Variants in ADGRL3 observed in about 807,000 individuals in gnomAD.
ADGRL3 encodes calcium-independent alpha-latrotoxin receptor 3.
Under a neutral mutation model 153.5 loss-of-function variants are expected in ADGRL3, and 62 were observed. That is an observed-to-expected ratio of 0.40 (90% CI 0.33 to 0.50). ADGRL3 has a LOEUF of 0.50. Ranked by LOEUF, ADGRL3 falls within the 20% of genes least tolerant of loss-of-function variation. ADGRL3 has a pLI of 0.47. For missense variants in ADGRL3, 1,641 were observed against 1,859.4 expected, an observed-to-expected ratio of 0.88 and a Z score of 2.16; for synonymous variants, 710 against 672.5, an observed-to-expected ratio of 1.06 and a Z score of -0.86.
intron 5 of ADGRL3, among the ~76,000 whole-genome samples, chr4:61,665,426 C>A (rs2094757221): frequency 6.6e-6 from 1 of 151,662 alleles, no homozygotes; most frequent in Non-Finnish European, 1.5e-5. Context: ...AAAACGAAAA[C>A]AAAAACAAAC....
intron 11 of ADGRL3, chr4:61,906,434 C>T (rs944114043): frequency 1.3e-5 from 2 of 152,082 alleles, no homozygotes; most frequent in Admixed American, 6.6e-5. Flanking sequence ...TAAAAAAATT[C>T]CAGGGTATGA....
chr4:61,243,483 G>C (rs1293250367), intron 1 of ADGRL3, among the ~76,000 whole-genome samples: 1 of 151,998 alleles, frequency 6.6e-6, no homozygotes, highest in East Asian at 1.9e-4. Flanking sequence ...GAGCAATGAA[G>C]AGGTTTTCTA....
chr4:62,020,817 T>A (rs2099234424), intron 21 of ADGRL3, among the ~76,000 whole-genome samples: 1 of 152,182 alleles, frequency 6.6e-6, no homozygotes, highest in Middle Eastern at 3.4e-3. Flanking sequence ...ACTAAGGATA[T>A]AATATGAGTT....
In ADGRL3 at chr4:61,936,781, T is replaced by TACACACACACACACACACACAC. The variant is rs71666904; in HGVS notation, c.2419+748_2419+769dup. On this transcript the variant is annotated intron_variant, in intron 15 of 26. Transcript: ENST00000683033. ...ATATTTGTACATATGTACATATGCATACACACACACACACACACACACACA... is the reference window on the plus strand; with the variant it reads ...ATATTTGTACATATGTACATATGCATACACACACACACACACACACACACACACACACACACACACACACACA... Among the ~76,000 whole-genome samples the TACACACACACACACACACACAC allele has an allele frequency of 1.9e-3, 262 of 138,812 alleles. 1 individual carries two copies. The highest frequency in any genetic ancestry group is 0.011 in the Middle Eastern group (3 of 262). The allele number at this position is 138,812 out of a possible 152,430, so 91.1% of individuals were successfully genotyped here. A position where few individuals can be genotyped will look rare whatever the true frequency, so the allele number is the denominator to read the frequency against.
intron 8 of ADGRL3, among the ~76,000 whole-genome samples, chr4:61,746,420 A>C (rs951050569): frequency 1.2e-4 from 19 of 152,052 alleles, no homozygotes; most frequent in Non-Finnish European, 2.5e-4. Context: ...TTCAGCACAA[A>C]ACCACACCTA....
intron 13 of ADGRL3, among the ~76,000 whole-genome samples, chr4:61,918,926 G>A (rs564493255): frequency 6.6e-6 from 1 of 152,110 alleles, no homozygotes; most frequent in Admixed American, 6.6e-5. Flanking sequence ...CGTGCCTTTG[G>A]TGCATAAGAC....
intron 1 of ADGRL3, among the ~76,000 whole-genome samples, chr4:61,241,278 G>A (rs998932275): frequency 6.6e-6 from 1 of 151,968 alleles, no homozygotes; most frequent in African/African-American, 2.4e-5. Context: ...TAACGAAGGT[G>A]TTTGTGATAG....
chr4:61,765,584 C>A (rs185236650), intron 8 of ADGRL3, among the ~76,000 whole-genome samples: 6 of 151,940 alleles, frequency 3.9e-5, no homozygotes, highest in Non-Finnish European at 8.8e-5. Flanking sequence ...GATAAAGGCT[C>A]GTCTGTTATC....
At chr4:61,904,133 A>C (rs531140075) in intron 11 of ADGRL3, among the ~76,000 whole-genome samples, 7 of 149,664 alleles carry the variant, frequency 4.7e-5, no homozygotes, top group Non-Finnish European at 1.0e-4. Flanking sequence ...GTTGTTAAAC[A>C]TTGAGTTCCC....
chr4:61,641,279 T>G (rs186199518), intron 5 of ADGRL3, among the ~76,000 whole-genome samples: 101 of 151,940 alleles, frequency 6.6e-4, no homozygotes, highest in African/African-American at 2.3e-3. Flanking sequence ...TTTTTTTTCG[T>G]TTTATTTATT....
chr4:62,051,770 C>G (rs966255690), intron 25 of ADGRL3, among the ~76,000 whole-genome samples: 1 of 151,664 alleles, frequency 6.6e-6, no homozygotes, highest in Non-Finnish European at 1.5e-5. Context: ...GTATTTCTTA[C>G]CTCTATTGTG....
At chr4:61,342,088 A>G (rs2095818579) in intron 1 of ADGRL3, among the ~76,000 whole-genome samples, 1 of 152,144 alleles carries the variant, frequency 6.6e-6, no homozygotes, top group Non-Finnish European at 1.5e-5. Context: ...AAAAAGCTTT[A>G]TAATCCTACT....
chr4:61,391,018 A>T (rs893151274), intron 2 of ADGRL3, among the ~76,000 whole-genome samples: 3 of 152,180 alleles, frequency 2.0e-5, no homozygotes, highest in African/African-American at 7.2e-5. Context: ...GTATAGATGT[A>T]TCTCAGTTCA....
chr4:61,427,775 A>C (rs947797168), intron 2 of ADGRL3: 10 of 152,638 alleles, frequency 6.6e-5, no homozygotes, highest in African/African-American at 2.4e-4. Flanking sequence ...GTATGTCCGG[A>C]TCTCCAGGCG....
rs146287989 is a variant in ADGRL3, at chr4:61,308,295, C to T, written c.-239-74829C>T. Among the ~76,000 whole-genome samples, 257 of 152,210 alleles carry T rather than the reference C, an allele frequency of 1.7e-3. 2 individuals carry two copies. The highest frequency in any genetic ancestry group is 5.9e-3 in the African/African-American group (244 of 41,526). On this transcript the variant is annotated intron_variant, in intron 1 of 26. Transcript: ENST00000683033. ...GAGGAGGGAGGGAAAAGTCTCCCACCCTAACACTGTTCCTGAGAATGGAAG... is the reference window on the plus strand; with the variant it reads ...GAGGAGGGAGGGAAAAGTCTCCCACTCTAACACTGTTCCTGAGAATGGAAG...
At chr4:61,465,875 A>T (rs2097876107) in intron 2 of ADGRL3, among the ~76,000 whole-genome samples, 2 of 151,314 alleles carry the variant, frequency 1.3e-5, no homozygotes, top group South Asian at 4.2e-4. Context: ...TAACCCGAGG[A>T]CTTGGGGAGG....
At chr4:61,770,998 A>C (rs1444045140) in intron 8 of ADGRL3, among the ~76,000 whole-genome samples, 1 of 152,170 alleles carries the variant, frequency 6.6e-6, no homozygotes, top group Non-Finnish European at 1.5e-5. Context: ...AGTGGAGCAG[A>C]ATTTATTAAG....
At chr4:61,848,312 G>A (rs890594146) in intron 9 of ADGRL3, among the ~76,000 whole-genome samples, 1 of 150,402 alleles carries the variant, frequency 6.6e-6, no homozygotes, top group Non-Finnish European at 1.5e-5. Flanking sequence ...CATTGGTTGG[G>A]CCATGTTCCC....
At chr4:61,327,620 T>C (rs73216321) in intron 1 of ADGRL3, among the ~76,000 whole-genome samples, 3,042 of 152,094 alleles carry the variant, frequency 0.02, 88 homozygotes, top group African/African-American at 0.068. Context: ...CAGGTGGCAG[T>C]TGAAATTCTA....
Sources: gnomAD v4.1 joint callset for allele counts (sites outside exome capture counted in the v4.1 genomes callset) on GRCh38, gnomAD v4.1.1 for gene constraint, MANE v1.5 for transcripts, NCBI Gene and HGNC (gene_info 2026-07-23, HGNC 2026-07-21) for gene names.